LINGO2: variants seen among roughly 807,000 people sequenced by gnomAD.
LINGO2 encodes the protein leucine-rich repeat and immunoglobulin-like domain-containing nogo receptor-interacting protein 2.
A neutral mutation model predicts 30.6 loss-of-function variants in LINGO2; 14 were observed. The ratio of observed to expected loss-of-function variants is 0.46; its 90% CI spans 0.30 to 0.72. The LOEUF (loss-of-function observed/expected upper bound fraction) is 0.72, where lower values mean the gene tolerates loss of function less well. LINGO2 is among the 30% of genes least tolerant of loss of function. The probability of loss-of-function intolerance (pLI) is 0.07; values close to 1 mark genes in which losing one functional copy is unlikely to be tolerated. For missense variants in LINGO2, 729 were observed against 751.7 expected (o/e 0.97, Z 0.35); for synonymous variants, 317 against 288.5 (o/e 1.10, Z -1.00).
At chr9:28,145,585 A>G (rs1000660300) in intron 4 of LINGO2, among the ~76,000 whole-genome samples, 2 of 152,048 alleles carry the variant, frequency 1.3e-5, no homozygotes, top group Non-Finnish European at 2.9e-5. Context: ...ACACTTGGAA[A>G]ACATCTGCTC....
At chr9:29,031,773 A>C in the LINGO2 span, among the ~76,000 whole-genome samples, 1 of 151,984 alleles carries the variant, frequency 6.6e-6, no homozygotes, top group Non-Finnish European at 1.5e-5. Flanking sequence ...TAAGTATGAA[A>C]CTCTAAGTGA....
At chr9:29,110,597 G>A in the LINGO2 span, among the ~76,000 whole-genome samples, 1 of 152,060 alleles carries the variant, frequency 6.6e-6, no homozygotes, top group Non-Finnish European at 1.5e-5. Context: ...GCCTCCCAAA[G>A]TGCTGGGATT....
At chr9:29,117,012 T>A in the LINGO2 span, among the ~76,000 whole-genome samples, 1 of 152,154 alleles carries the variant, frequency 6.6e-6, no homozygotes, top group Admixed American at 6.5e-5. Flanking sequence ...TACCTAAGGT[T>A]TACCTCTCAT....
chr9:28,025,989 A>G (rs896290169), intron 4 of LINGO2, among the ~76,000 whole-genome samples: 1 of 152,218 alleles, frequency 6.6e-6, no homozygotes. Flanking sequence ...AGGAGGCTGC[A>G]TGATCATTTG....
At chr9:29,051,684 T>C in the LINGO2 span, among the ~76,000 whole-genome samples, 3 of 152,138 alleles carry the variant, frequency 2.0e-5, no homozygotes, top group Non-Finnish European at 2.9e-5. Context: ...AGTTCTTACA[T>C]AAGGCCCGTT....
chr9:28,923,617 A>G, the LINGO2 span, among the ~76,000 whole-genome samples: 2 of 119,140 alleles, frequency 1.7e-5, no homozygotes, highest in African/African-American at 6.1e-5. Flanking sequence ...TTGGCATACA[A>G]CAGGATGGGA....
chr9:27,966,164 T>G (rs1187763921), intron 5 of LINGO2, among the ~76,000 whole-genome samples: 1 of 152,128 alleles, frequency 6.6e-6, no homozygotes, highest in African/African-American at 2.4e-5. Flanking sequence ...CCCTTTTTGA[T>G]GCAAATAGCC....
chr9:28,995,434 A>G, the LINGO2 span, among the ~76,000 whole-genome samples: 1 of 152,252 alleles, frequency 6.6e-6, no homozygotes, highest in African/African-American at 2.4e-5. Context: ...ACTGTAAACT[A>G]GTTCAACCAT....
At chr9:28,127,586 G>A (rs1432883753) in intron 4 of LINGO2, among the ~76,000 whole-genome samples, 1 of 152,274 alleles carries the variant, frequency 6.6e-6, no homozygotes, top group East Asian at 1.9e-4. Flanking sequence ...GCTTCCCATG[G>A]AATCGGACAA....
At chr9:28,836,401 A>G in the LINGO2 span, among the ~76,000 whole-genome samples, 67 of 151,620 alleles carry the variant, frequency 4.4e-4, 1 homozygote, top group African/African-American at 1.5e-3. Flanking sequence ...CACAACCTCC[A>G]CCTCCCGGGT....
At chr9:29,027,547 A>C in the LINGO2 span, among the ~76,000 whole-genome samples, 2 of 152,160 alleles carry the variant, frequency 1.3e-5, no homozygotes, top group Non-Finnish European at 2.9e-5. Context: ...CATGTTGGCC[A>C]GGCTGGTCTT....
intron 1 of LINGO2, among the ~76,000 whole-genome samples, chr9:28,647,650 C>A (rs764293204): frequency 4.6e-5 from 7 of 151,994 alleles, no homozygotes; most frequent in Non-Finnish European, 1.0e-4. Context: ...TAAAATTTCA[C>A]CTTAGTCTCT....
the LINGO2 span, among the ~76,000 whole-genome samples, chr9:28,870,799 G>T: frequency 1.3e-5 from 2 of 152,048 alleles, no homozygotes; most frequent in East Asian, 3.9e-4. Context: ...AACAAGTATG[G>T]GAAAATGCTT....
the LINGO2 span, among the ~76,000 whole-genome samples, chr9:29,109,526 C>T: frequency 6.6e-6 from 1 of 152,232 alleles, no homozygotes; most frequent in African/African-American, 2.4e-5. Flanking sequence ...GTATAAGATA[C>T]TCTAGGCACC....
chr9:28,381,166 A>G (rs561011754), intron 2 of LINGO2, among the ~76,000 whole-genome samples: 59 of 152,130 alleles, frequency 3.9e-4, no homozygotes, highest in Non-Finnish European at 7.6e-4. Flanking sequence ...CAGTTTTTCC[A>G]GAGTCCTAGT....
At chr9:28,461,516 A>G (rs1420966683) in intron 2 of LINGO2, among the ~76,000 whole-genome samples, 1 of 152,196 alleles carries the variant, frequency 6.6e-6, no homozygotes, top group Non-Finnish European at 1.5e-5. Context: ...TAAAACATGA[A>G]AATAAAAAGA....
intron 4 of LINGO2, among the ~76,000 whole-genome samples, chr9:28,061,501 CT>C (rs201404934): frequency 1.3e-5 from 2 of 150,716 alleles, no homozygotes; most frequent in East Asian, 1.9e-4. Flanking sequence ...TCACCAGATT[CT>C]TTTTTTTTGT....
chr9:28,447,569 A>T (rs1824475825), intron 2 of LINGO2, among the ~76,000 whole-genome samples: 1 of 152,158 alleles, frequency 6.6e-6, no homozygotes, highest in South Asian at 2.1e-4. Context: ...TTTTTCCTCT[A>T]ATGAGTTTGA....
intron 5 of LINGO2, among the ~76,000 whole-genome samples, chr9:27,982,562 A>T (rs1167780346): frequency 2.0e-5 from 3 of 151,882 alleles, no homozygotes; most frequent in African/African-American, 7.2e-5. Flanking sequence ...TTACATCCTC[A>T]TCCCTTTTTG....
Sources: gnomAD v4.1 joint callset for allele counts (sites outside exome capture counted in the v4.1 genomes callset) on GRCh38, gnomAD v4.1.1 for gene constraint, MANE v1.5 for transcripts, NCBI Gene and HGNC (gene_info 2026-07-23, HGNC 2026-07-21) for gene names.